PARP16: variants seen among roughly 807,000 people sequenced by gnomAD.
PARP16 encodes protein mono-ADP-ribosyltransferase PARP16.
In PARP16, 31 loss-of-function variants were observed where a neutral mutation model predicts 35.0. The observed-to-expected ratio is 0.88, with a 90% confidence interval of 0.66 to 1.19. PARP16 has a LOEUF of 1.19. Ranked by LOEUF, PARP16 falls within the 50% of genes most tolerant of loss-of-function variation. The probability of loss-of-function intolerance (pLI) is 0.00; values close to 1 mark genes in which losing one functional copy is unlikely to be tolerated. For synonymous variants in PARP16, 162 were observed against 169.5 expected, an observed-to-expected ratio of 0.96 and a Z score of 0.34; for missense variants, 424 against 411.2, an observed-to-expected ratio of 1.03 and a Z score of -0.27.
intron 3 of PARP16, among the ~76,000 whole-genome samples, chr15:65,241,139 CTT>C (rs34888317): frequency 1.5e-3 from 186 of 127,704 alleles, no homozygotes; most frequent in East Asian, 2.1e-3. Context: ...CCTGTCCAAA[CTT>C]TTTTTTTTTT....
At chr15:65,256,986 G>A (rs1207378785), downstream of PARP16, among the ~76,000 whole-genome samples, 1 of 152,200 alleles carries the variant, frequency 6.6e-6, no homozygotes, top group Non-Finnish European at 1.5e-5. Context: ...AAAACCTTGG[G>A]CAAGCTATTA....
At chr15:65,257,861 G>C (rs771784151), downstream of PARP16, among the ~76,000 whole-genome samples, 9 of 152,138 alleles carry the variant, frequency 5.9e-5, no homozygotes, top group Non-Finnish European at 8.8e-5. Context: ...TGTGAAAGCA[G>C]GGGCTTTCTG....
intron 1 of PARP16, among the ~76,000 whole-genome samples, chr15:65,277,177 G>A (rs2090285616): frequency 1.3e-5 from 2 of 152,022 alleles, no homozygotes; most frequent in Admixed American, 1.3e-4. Flanking sequence ...GTGACCTATG[G>A]TTTTCTTCCT....
chr15:65,265,020 ATGGTAAGCTGAGAGCCAG>A lies in PARP16; in HGVS notation c.519+1524_519+1541del, dbSNP rs530145405. The stretch of plus-strand genomic sequence containing the variant: ...CCTGAATTCCAGTAGCCTGGACATA[ATGGTAAGCTGAGAGCCAG>A]TGGTGGACTGAGAGCCAGTGTAAAC... On this transcript the variant is annotated intron_variant, in intron 3 of 5. Coordinates refer to ENST00000649807, the MANE Select transcript of PARP16 (RefSeq NM_001316943.2). 2.9e-4 allele frequency among the ~76,000 whole-genome samples: 44 copies of A among 152,362 alleles called. No individual in the cohort carries two copies. In the East Asian group the frequency reaches 6.7e-3, roughly 23 times the overall value.
At chr15:65,249,980 C>T (rs2089311548) in intron 2 of PARP16, among the ~76,000 whole-genome samples, 1 of 152,190 alleles carries the variant, frequency 6.6e-6, no homozygotes, top group Admixed American at 6.5e-5. Context: ...CTCACAACCC[C>T]AGTCTGGAAA....
At position 65,286,299 on chromosome 15, in the gene PARP16, A is replaced by C. The variant is rs1012086739; in HGVS notation, c.128T>G (p.Phe43Cys). ...GTCGCCGCGGGCGTAGGACGCGGGGAAGGGCCGCAGCACCGAGTCGCGCTT... is the reference window on the plus strand; with the variant it reads ...GTCGCCGCGGGCGTAGGACGCGGGGCAGGGCCGCAGCACCGAGTCGCGCTT... Reference protein sequence around the residue: ...SYKRDSVLRPFPASYARGDCK... With the variant: ...SYKRDSVLRPCPASYARGDCK... Residue 43 changes from phenylalanine (F) to cysteine (C), a missense_variant, in exon 1 of 6, where the codon TTC (phenylalanine) becomes TGC (cysteine). By Grantham distance (205) the Phe-to-Cys change is radical. Coordinates refer to ENST00000649807, the MANE Select transcript of PARP16 (RefSeq NM_001316943.2). 6.2e-7 allele frequency: 1 copy of C among 1,601,796 alleles called. No individual in the cohort carries two copies. Among genetic ancestry groups the C allele is most frequent in the African/African-American group, 1.4e-5 (1 of 73,232 alleles).
chr15:65,264,333 G>A (rs1304965904), intron 3 of PARP16, among the ~76,000 whole-genome samples: 6 of 152,220 alleles, frequency 3.9e-5, no homozygotes, highest in African/African-American at 1.4e-4. Context: ...AACATTCCAG[G>A]TAGCTGCGAC....
chr15:65,247,075 C>T (rs866587729), intron 3 of PARP16, among the ~76,000 whole-genome samples: 21 of 151,998 alleles, frequency 1.4e-4, no homozygotes, highest in Non-Finnish European at 2.5e-4. Flanking sequence ...ACTGCAGCCT[C>T]GACCTCCTGG....
chr15:65,232,401 T>A (rs913259882), downstream of PARP16, among the ~76,000 whole-genome samples: 1 of 152,200 alleles, frequency 6.6e-6, no homozygotes, highest in Non-Finnish European at 1.5e-5. Flanking sequence ...TTGAAATCTA[T>A]GGTGGGAACA....
chr15:65,285,223 C>T (rs558816740), intron 1 of PARP16, among the ~76,000 whole-genome samples: 70 of 151,750 alleles, frequency 4.6e-4, no homozygotes, highest in Non-Finnish European at 8.1e-4. Context: ...CCACAACGTC[C>T]GCCTCCCGGG....
In PARP16 at chr15:65,259,133, G is replaced by T; in HGVS notation, c.*274C>A. On this transcript the variant is annotated 3_prime_UTR_variant, in exon 6 of 6. Coordinates refer to ENST00000649807, the MANE Select transcript of PARP16 (RefSeq NM_001316943.2). Reference sequence around the variant, plus strand: ...AGCAGGGCTTTTTCCTTTGGCCCTGGCTGAAAAGCCAACTCCCTAGGACAG... The same window carrying T: ...AGCAGGGCTTTTTCCTTTGGCCCTGTCTGAAAAGCCAACTCCCTAGGACAG... 3.1e-6 allele frequency: 1 copy of T among 320,454 alleles called. No individual in the cohort carries two copies. The highest frequency in any genetic ancestry group is 5.1e-5 in the East Asian group (1 of 19,580). The allele number at this position is 320,454 out of a possible 1,614,324, so 19.9% of individuals were successfully genotyped here.
intron 3 of PARP16, among the ~76,000 whole-genome samples, chr15:65,244,709 C>T (rs1288753979): frequency 6.6e-6 from 1 of 152,218 alleles, no homozygotes; most frequent in Non-Finnish European, 1.5e-5. Context: ...GCTGTATCCC[C>T]TGCAGCCAGC....
rs370865098 is a variant in PARP16, at chr15:65,263,188, T to C, written c.652A>G (p.Ile218Val). The C allele has an allele frequency of 2.3e-5, 37 of 1,614,030 alleles. No homozygotes were observed. Among genetic ancestry groups the C allele is most frequent in the Admixed American group, 6.7e-5 (4 of 59,994 alleles). The change falls in exon 4 of 6, where the codon ATT becomes GTT. Residue 218 changes from isoleucine (I) to valine (V), a missense_variant. Coordinates refer to ENST00000649807, the MANE Select transcript of PARP16 (RefSeq NM_001316943.2). The stretch of plus-strand genomic sequence containing the variant: ...TGGCACTTGACGTCCGGATGGTCAA[T>C]GACCTCACACACGGCCACACAGCTA... ...ILSCVAVCEVIDHPDVKCQTK... is the reference protein window; with the variant it reads ...ILSCVAVCEVVDHPDVKCQTK...
chr15:65,282,466 T>A (rs749224058), intron 1 of PARP16: 1 of 152,248 alleles, frequency 6.6e-6, no homozygotes, highest in African/African-American at 2.4e-5. Flanking sequence ...CAGTAACTCA[T>A]GTGACGTGGC....
At chr15:65,239,465 A>G (rs2088986378) in intron 3 of PARP16, among the ~76,000 whole-genome samples, 6 of 142,782 alleles carry the variant, frequency 4.2e-5, no homozygotes, top group African/African-American at 1.0e-4. Flanking sequence ...AGAGAAAAGA[A>G]AAAAAAAAGA....
At chr15:65,261,075 G>A in intron 4 of PARP16, 49 bp from the exon 5 acceptor site, 1 of 1,570,346 alleles carries the variant, frequency 6.4e-7, no homozygotes, top group Non-Finnish European at 8.7e-7. Flanking sequence ...ACAGAACTAA[G>A]GAAGCACATT....
chr15:65,269,178 T>C (rs573312912), intron 2 of PARP16, among the ~76,000 whole-genome samples: 42,624 of 145,282 alleles, frequency 0.29, 6,405 homozygotes, highest in Admixed American at 0.34. Flanking sequence ...GTCGGTTTTT[T>C]TCTTTCTTTC....
At chr15:65,273,733 G>A (rs564611292) in intron 1 of PARP16, among the ~76,000 whole-genome samples, 4 of 151,966 alleles carry the variant, frequency 2.6e-5, no homozygotes, top group East Asian at 3.9e-4. Context: ...AAAATTAGCC[G>A]GGCGTAGTGG....
At position 65,286,466 on chromosome 15, in the gene PARP16, A is replaced by T; in HGVS notation, c.-40T>A. 3 of 1,386,628 alleles carry T rather than the reference A, an allele frequency of 2.2e-6. No individual in the cohort carries two copies. The highest frequency in any genetic ancestry group is 2.8e-6 in the Non-Finnish European group (3 of 1,065,576). 85.9% of individuals were successfully genotyped at this position (1,386,628 alleles called of 1,614,324 possible). On this transcript the variant is annotated 5_prime_UTR_variant, in exon 1 of 6. Coordinates refer to ENST00000649807, the MANE Select transcript of PARP16 (RefSeq NM_001316943.2). ...CGTTGCCGGGGTAGACGCGCTGGTT[A>T]GGGGCAAGGGCGAGCGTGCGTTCAG... is the stretch of plus-strand genomic sequence containing the variant.
Sources: gnomAD v4.1 joint callset for allele counts (sites outside exome capture counted in the v4.1 genomes callset) on GRCh38, gnomAD v4.1.1 for gene constraint, MANE v1.5 for transcripts, NCBI Gene and HGNC (gene_info 2026-07-23, HGNC 2026-07-21) for gene names.